Variants in WDR90 observed in about 807,000 individuals in gnomAD.
The protein encoded by WDR90 is WD repeat-containing protein 90.
In WDR90, 238 loss-of-function variants were observed where a neutral mutation model predicts 195.2. The observed-to-expected ratio is 1.22, with a 90% CI of 1.10 to 1.36. The LOEUF (loss-of-function observed/expected upper bound fraction) is 1.36. WDR90 is among the 40% of genes most tolerant of loss of function. The pLI is 0.00. For synonymous variants in WDR90, 1,265 were observed against 1,052.4 expected (o/e 1.20, Z -3.91); for missense variants, 2,734 against 2,439.5 (o/e 1.12, Z -2.54).
chr16:667,302 C>T (rs2038115857), intron 40 of WDR90, 130 bp from the exon 41 acceptor site: 6 of 1,276,990 alleles, frequency 4.7e-6, no homozygotes, highest in Non-Finnish European at 6.3e-6. Flanking sequence ...GAGGGCACAG[C>T]CAGGAGCCCT....
rs377437368 is a variant in WDR90 at position 665,667 on chromosome 16, G to A, written c.4312-12G>A. 34 of 1,612,430 alleles carry A rather than the reference G, an allele frequency of 2.1e-5. No homozygotes were observed. In the Admixed American group the frequency reaches 2.8e-4, roughly 13 times the overall value. ...GGGCCAACACCCCCAGCCTAGCTAC[G>A]GCTTCCCCCAGGTGAACGAGGTGGT... On this transcript the variant is annotated splice_polypyrimidine_tract_variant and intron_variant, in intron 34 of 40. Coordinates refer to ENST00000293879, the MANE Select transcript of WDR90 (RefSeq NM_145294.5).
At chr16:653,847 G>A (rs1382778866) in intron 13 of WDR90, 44 bp downstream of exon 13, 1 of 1,608,276 alleles carries the variant, frequency 6.2e-7, no homozygotes, top group Non-Finnish European at 8.5e-7. Context: ...CTGTCCTGAT[G>A]CACGCAGACA....
Position 659,392 on chromosome 16 carries a change from C to G in WDR90, c.3184+16C>G. The G allele has an allele frequency of 6.3e-7, 1 of 1,587,436 alleles. No individual in the cohort carries two copies. The highest frequency in any genetic ancestry group is 1.1e-5 in the South Asian group (1 of 87,246). ...GGTGGCGATGGTGAGCAGCAGGGGT[C>G]CTGGAGGAGTGGGGGGATTCGGGGG... On this transcript the variant is annotated intron_variant, in intron 26 of 40. Transcript: ENST00000293879.
At position 659,273 on chromosome 16, in the gene WDR90, A is replaced by G. The variant is rs764884289; in HGVS notation, c.3081A>G (p.Ala1027=). The G allele has an allele frequency of 1.2e-6, 2 of 1,609,868 alleles. No homozygotes were observed. Among genetic ancestry groups the G allele is most frequent in the Admixed American group, 1.7e-5 (1 of 59,670 alleles). The change falls in exon 26 of 41, where the codon GCA becomes GCG. Residue 1027 remains alanine (A), a synonymous_variant. Transcript: ENST00000293879. ...TGPGAGPLED[A]ASRASELPRQ... ...CGGGCGCAGGACCGCTGGAGGACGC[A>G]GCGTCCAGGGCCAGCGAGCTCCCCC... is the stretch of plus-strand genomic sequence containing the variant.
In WDR90 at chr16:652,526, C is replaced by T. The variant is rs964812995; in HGVS notation, c.1113C>T (p.Gly371=). The T allele has an allele frequency of 1.1e-5, 17 of 1,608,924 alleles. No homozygotes were observed. Among genetic ancestry groups the T allele is most frequent in the Non-Finnish European group, 1.4e-5 (17 of 1,177,434 alleles). Residue 371 remains glycine (G), a synonymous_variant, in exon 10 of 41, where the codon GGC becomes GGT. Transcript: ENST00000293879. Reference sequence around the variant, plus strand: ...GCGTCATCGGCTTTGGGGGCCACGGCACCAGACAGGTGAGGCTCCTGCGGC... The same window carrying T: ...GCGTCATCGGCTTTGGGGGCCACGGTACCAGACAGGTGAGGCTCCTGCGGC... ...LKGVIGFGGH[G]TRQALWTPDG...
chr16:652,370 C>G (rs962019291), intron 9 of WDR90, 97 bp from the exon 10 acceptor site: 41 of 1,404,142 alleles, frequency 2.9e-5, no homozygotes, highest in Middle Eastern at 1.8e-4. Flanking sequence ...TCTTGAGAGG[C>G]AGGACCCAGC....
chr16:657,121 C>T lies in WDR90; in HGVS notation c.2373C>T (p.Thr791=), dbSNP rs375334982. The part of the protein sequence containing the change: ...TCHRGAVTGL[T]ATPDGRLLFS... The stretch of plus-strand genomic sequence containing the variant: ...ACCGAGGAGCTGTCACCGGCCTGAC[C>T]GCCACCCCTGACGGCCGCCTGCTCT... Residue 791 remains threonine, a synonymous_variant, in exon 20 of 41, where the codon ACC becomes ACT. Coordinates refer to ENST00000293879, the MANE Select transcript of WDR90 (RefSeq NM_145294.5). The T allele has an allele frequency of 1.8e-5, 28 of 1,588,804 alleles. No individual in the cohort carries two copies. The highest frequency in any genetic ancestry group is 1.1e-4 in the African/African-American group (8 of 74,222).
rs1490077814 is a variant in WDR90, at chr16:662,228, C to T, written c.4042C>T (p.Leu1348=). 23 of 1,569,256 alleles carry T rather than the reference C, an allele frequency of 1.5e-5. No individual in the cohort carries two copies. Among genetic ancestry groups the T allele is most frequent in the East Asian group, 2.3e-5 (1 of 42,826 alleles). ...GCTCCTCCTGCCCCTAGGGCTGTTG[C>T]TGTTCTCGGGTTCTCGATTGGTCAG... ...EADDGGIGLL[L]FSGSRLVSGS... is the part of the protein sequence containing the mutation. Residue 1348 remains leucine, a synonymous_variant, in exon 33 of 41, where the codon CTG becomes TTG. Coordinates refer to ENST00000293879, the MANE Select transcript of WDR90 (RefSeq NM_145294.5).
At chr16:660,768 C>A (rs2037879702) in intron 28 of WDR90, 54 bp downstream of exon 28, 2 of 1,504,136 alleles carry the variant, frequency 1.3e-6, no homozygotes, top group African/African-American at 2.8e-5. Flanking sequence ...CGCGCGTGGT[C>A]CAGCCGTCTC....
chr16:653,711 C>G (rs1468264372), intron 12 of WDR90, 35 bp from the exon 13 acceptor site: 2 of 1,613,188 alleles, frequency 1.2e-6, no homozygotes, highest in African/African-American at 2.7e-5. Flanking sequence ...GGGGGTCAGC[C>G]CAGGCGACAA....
At chr16:664,212 C>A (rs2037977210) in intron 34 of WDR90, among the ~76,000 whole-genome samples, 1 of 152,114 alleles carries the variant, frequency 6.6e-6, no homozygotes, top group Non-Finnish European at 1.5e-5. Flanking sequence ...CCCGTGCGTG[C>A]CTGTTCCTCG....
intron 13 of WDR90, 110 bp from the exon 14 acceptor site, chr16:654,919 G>A: frequency 1.0e-6 from 1 of 987,564 alleles, no homozygotes; most frequent in South Asian, 1.4e-5. Context: ...TCAGAGGCTG[G>A]TCTCCGCATG....
rs769449800 is a variant in WDR90 at position 657,222 on chromosome 16, G to A, written c.2473+1G>A. 3 of 1,542,846 alleles carry A rather than the reference G, an allele frequency of 1.9e-6. No individual in the cohort carries two copies. The South Asian group carries it at 3.6e-5, about 18-fold the overall frequency. ...CAGTGGCATGTCCTCCGAGTGGCAG[G>A]TTGGGCCCCCTGCAGCCACTCTGGG... On this transcript the variant is annotated splice_donor_variant, in intron 20 of 40. Coordinates refer to ENST00000293879, the MANE Select transcript of WDR90 (RefSeq NM_145294.5). LOFTEE classifies it high-confidence loss of function.
At chr16:665,850 G>T (rs759816499) in intron 35 of WDR90, 49 bp downstream of exon 35, 24 of 1,552,394 alleles carry the variant, frequency 1.5e-5, no homozygotes, top group South Asian at 9.7e-5. Context: ...CCTGCTCAGT[G>T]GGGGGCCTGG....
Position 651,848 on chromosome 16 carries a change from C to G in WDR90, c.862C>G (p.Pro288Ala), listed in dbSNP as rs753035729. 1 of 1,610,384 alleles carries G rather than the reference C, an allele frequency of 6.2e-7. No individual in the cohort carries two copies. The highest frequency in any genetic ancestry group is 2.2e-5 in the East Asian group (1 of 44,876). The change falls in exon 9 of 41, where the codon CCC (proline) becomes GCC (alanine). Residue 288 changes from proline to alanine, a missense_variant. Transcript: ENST00000293879. Reference protein sequence around the residue: ...PTASGRAALAPRPFPEVSLSQ... With the variant: ...PTASGRAALAARPFPEVSLSQ... ...GCAGTCCGGCCGGGCCGCCTTGGCA[C>G]CCAGGCCCTTCCCGGAGGTCAGCCT...
rs1596459102 is a variant in WDR90 at position 651,886 on chromosome 16, C to T, written c.900C>T (p.Arg300=). The change falls in exon 9 of 41, where the codon CGC becomes CGT. Residue 300 remains arginine, a synonymous_variant. Transcript: ENST00000293879. ...CGGAGGTCAGCCTGTCCCAAGAGCG[C>T]TCAGACGCCTCCAACGCGGATGGCC... ...PFPEVSLSQE[R]SDASNADGPG... The T allele has an allele frequency of 2.5e-6, 4 of 1,611,080 alleles. 1 individual carries two copies. In the East Asian group the frequency reaches 8.9e-5, roughly 36 times the overall value.
At position 650,012 on chromosome 16, in the gene WDR90, G is replaced by C. The variant is rs746228279; in HGVS notation, c.124G>C (p.Val42Leu). 6.2e-6 allele frequency: 10 copies of C among 1,612,648 alleles called. No homozygotes were observed. In the African/African-American group the frequency reaches 1.2e-4, roughly 19 times the overall value. ...VVTDKTLKGAVYRIRGSVSAA... is the reference protein window; with the variant it reads ...VVTDKTLKGALYRIRGSVSAA... ...CCAGGACAAGACCCTGAAGGGCGCC[G>C]TGTATCGCATTCGGGGCTCAGTCTC... The change falls in exon 3 of 41, where the codon GTG becomes CTG. Residue 42 changes from valine (V) to leucine (L), a missense_variant. Physicochemically the swap from Val to Leu is conservative, Grantham distance 32. Coordinates refer to ENST00000293879, the MANE Select transcript of WDR90 (RefSeq NM_145294.5).
In WDR90 at chr16:665,189, G is replaced by T. The variant is rs374018891; in HGVS notation, c.4312-490G>T. 178 of 282,606 alleles carry T rather than the reference G, an allele frequency of 6.3e-4. 3 individuals carry two copies. Among genetic ancestry groups the T allele is most frequent in the African/African-American group, 3.8e-3 (175 of 46,616 alleles). The allele number at this position is 282,606 out of a possible 1,614,324, so 17.5% of individuals were successfully genotyped here. A position where few individuals can be genotyped will look rare whatever the true frequency, so the allele number is the denominator to read the frequency against. ...GTGCAGCGGTTTTGGGAGGAGGAAT[G>T]CGACTGCATGGCGCGCTCGCTGCAA... is the stretch of plus-strand genomic sequence containing the variant. On this transcript the variant is annotated intron_variant, in intron 34 of 40. Coordinates refer to ENST00000293879, the MANE Select transcript of WDR90 (RefSeq NM_145294.5).
chr16:650,460 GC>G lies in WDR90; in HGVS notation c.389-78del, dbSNP rs539243956. 1.3e-3 allele frequency: 2,095 copies of G among 1,588,900 alleles called. 3 individuals carry two copies. Among genetic ancestry groups the G allele is most frequent in the South Asian group, 2.2e-3 (199 of 89,820 alleles). Reference sequence around the variant, plus strand: ...CCTCTGCGGCCTGGAGGACAACCTGGCGGGGGCACAAGCTCACAGTTCTGGG... The same window carrying G: ...CCTCTGCGGCCTGGAGGACAACCTGGGGGGGCACAAGCTCACAGTTCTGGG... On this transcript the variant is annotated intron_variant, in intron 4 of 40. Transcript: ENST00000293879.
Sources: gnomAD v4.1 joint callset for allele counts (sites outside exome capture counted in the v4.1 genomes callset) on GRCh38, gnomAD v4.1.1 for gene constraint, MANE v1.5 for transcripts, NCBI Gene and HGNC (gene_info 2026-07-23, HGNC 2026-07-21) for gene names.